Variants in BCL2 observed in about 807,000 individuals in gnomAD.
BCL2 encodes apoptosis regulator Bcl-2.
A neutral mutation model predicts 14.2 loss-of-function variants in BCL2; 1 was observed. The observed-to-expected ratio is 0.07, with a 90% CI of 0.02 to 0.33. BCL2 has a LOEUF of 0.33. Ranked by LOEUF, BCL2 falls within the 10% of genes least tolerant of loss-of-function variation. BCL2 has a pLI of 0.99. For missense variants in BCL2, 247 were observed against 305.9 expected (o/e 0.81, Z 1.44); for synonymous variants, 151 against 137.2 (o/e 1.10, Z -0.70).
At chr18:63,170,165 G>A (rs1915189137) in intron 2 of BCL2, among the ~76,000 whole-genome samples, 1 of 152,086 alleles carries the variant, frequency 6.6e-6, no homozygotes, top group Non-Finnish European at 1.5e-5. Context: ...TAATGATAGT[G>A]CATACCTCAT....
chr18:63,237,165 G>C lies in BCL2; in HGVS notation c.585+80917C>G, dbSNP rs544164051. Reference sequence around the variant, plus strand: ...TATACCACGACCCCTCTCCCAGCCCGGGGACTGTGGTATGGAGGCCGAGAG... The same window carrying C: ...TATACCACGACCCCTCTCCCAGCCCCGGGACTGTGGTATGGAGGCCGAGAG... On this transcript the variant is annotated intron_variant, in intron 2 of 2. Coordinates refer to ENST00000333681, the MANE Select transcript of BCL2 (RefSeq NM_000633.3). 4.5e-4 allele frequency among the ~76,000 whole-genome samples: 69 copies of C among 152,176 alleles called. 1 individual carries two copies. The highest frequency in any genetic ancestry group is 1.6e-3 in the African/African-American group (65 of 41,516).
At chr18:63,288,314 A>C (rs1912532228) in intron 2 of BCL2, among the ~76,000 whole-genome samples, 1 of 152,240 alleles carries the variant, frequency 6.6e-6, no homozygotes, top group Admixed American at 6.5e-5. Context: ...GATTTTAGGC[A>C]CATTATCCAT....
intron 2 of BCL2, among the ~76,000 whole-genome samples, chr18:63,210,709 T>C (rs1909974792): frequency 6.6e-6 from 1 of 152,216 alleles, no homozygotes; most frequent in Non-Finnish European, 1.5e-5. Context: ...CCATAAGCCT[T>C]CTGCTTTCCT....
chr18:63,297,431 G>A (rs781355724), intron 2 of BCL2, among the ~76,000 whole-genome samples: 17 of 151,952 alleles, frequency 1.1e-4, no homozygotes, highest in Non-Finnish European at 2.4e-4. Flanking sequence ...CACTCCAATC[G>A]CATCTCAATT....
At chr18:63,281,628 C>T (rs1179535340) in intron 2 of BCL2, among the ~76,000 whole-genome samples, 1 of 145,490 alleles carries the variant, frequency 6.9e-6, no homozygotes, top group Non-Finnish European at 1.5e-5. Flanking sequence ...GTTCATGCCA[C>T]TGCACTTCAC....
chr18:63,234,939 C>A (rs1807999), intron 2 of BCL2, among the ~76,000 whole-genome samples: 3 of 151,916 alleles, frequency 2.0e-5, no homozygotes, highest in Non-Finnish European at 4.4e-5. Context: ...ATATAATGGA[C>A]AAGGGAGTGG....
intron 2 of BCL2, among the ~76,000 whole-genome samples, chr18:63,222,152 T>C (rs975670069): frequency 1.3e-5 from 2 of 151,686 alleles, no homozygotes; most frequent in Non-Finnish European, 2.9e-5. Context: ...CATATGCCTG[T>C]AGTCTCAGCT....
intron 2 of BCL2, among the ~76,000 whole-genome samples, chr18:63,181,145 G>A (rs192944193): frequency 3.0e-4 from 45 of 152,298 alleles, no homozygotes; most frequent in Admixed American, 2.5e-3. Context: ...ATGAAAAAGC[G>A]TTTTCTCCTT....
intron 2 of BCL2, among the ~76,000 whole-genome samples, chr18:63,269,620 T>C (rs1247732407): frequency 2.6e-5 from 4 of 152,230 alleles, no homozygotes; most frequent in Non-Finnish European, 5.9e-5. Flanking sequence ...GAGTTCTCCA[T>C]AATCTGTGTG....
intron 2 of BCL2, among the ~76,000 whole-genome samples, chr18:63,162,497 C>A (rs1224069830): frequency 6.6e-6 from 1 of 152,146 alleles, no homozygotes; most frequent in East Asian, 1.9e-4. Context: ...GGTGTCAGGC[C>A]CAGCTCGGGG....
chr18:63,232,994 G>A (rs1333825006), intron 2 of BCL2, among the ~76,000 whole-genome samples: 1 of 152,206 alleles, frequency 6.6e-6, no homozygotes, highest in Non-Finnish European at 1.5e-5. Context: ...CAGTTCTGAA[G>A]GATGGAATCC....
intron 2 of BCL2, among the ~76,000 whole-genome samples, chr18:63,231,110 C>T (rs1289277175): frequency 6.6e-6 from 1 of 151,862 alleles, no homozygotes; most frequent in Non-Finnish European, 1.5e-5. Flanking sequence ...TGTAATTCCC[C>T]ACATTGGCAA....
chr18:63,302,863 T>C (rs1239294048), intron 2 of BCL2: 2 of 985,292 alleles, frequency 2.0e-6, no homozygotes, highest in African/African-American at 3.5e-5. Context: ...CAAATGTTAT[T>C]ATGGAAACAC....
intron 2 of BCL2, chr18:63,302,265 C>T (rs1912983522): frequency 1.1e-6 from 1 of 886,026 alleles, no homozygotes; most frequent in African/African-American, 1.8e-5. Context: ...TGCACCACTG[C>T]ACTCCAGCCT....
At chr18:63,197,412 A>G (rs893081438) in intron 2 of BCL2, among the ~76,000 whole-genome samples, 1 of 152,258 alleles carries the variant, frequency 6.6e-6, no homozygotes, top group African/African-American at 2.4e-5. Flanking sequence ...AACCCACTAC[A>G]TGGTGGCTAT....
intron 2 of BCL2, among the ~76,000 whole-genome samples, chr18:63,206,459 G>C (rs1909839998): frequency 6.6e-6 from 1 of 152,130 alleles, no homozygotes; most frequent in South Asian, 2.1e-4. Flanking sequence ...AACTTTCCTA[G>C]GTTCCATTTC....
At chr18:63,268,496 C>A (rs1344883432) in intron 2 of BCL2, among the ~76,000 whole-genome samples, 1 of 152,190 alleles carries the variant, frequency 6.6e-6, no homozygotes, top group African/African-American at 2.4e-5. Flanking sequence ...ATGTTCCTAA[C>A]CTTGCCCCAG....
chr18:63,228,333 A>G (rs139901149), intron 2 of BCL2, among the ~76,000 whole-genome samples: 10 of 152,346 alleles, frequency 6.6e-5, no homozygotes, highest in African/African-American at 2.2e-4. Flanking sequence ...AAGCAATATA[A>G]ACATCAGGTG....
At chr18:63,275,507 C>T (rs1167276371) in intron 2 of BCL2, among the ~76,000 whole-genome samples, 2 of 152,212 alleles carry the variant, frequency 1.3e-5, no homozygotes, top group Non-Finnish European at 1.5e-5. Context: ...GTGCTAAATA[C>T]TACACAGCCG....
Sources: gnomAD v4.1 joint callset for allele counts (sites outside exome capture counted in the v4.1 genomes callset) on GRCh38, gnomAD v4.1.1 for gene constraint, MANE v1.5 for transcripts, NCBI Gene and HGNC (gene_info 2026-07-23, HGNC 2026-07-21) for gene names.